The following GYPE variants were observed in gnomAD, a reference collection of about 807,000 sequenced individuals.
GYPE encodes glycophorin-E.
GYPE carries 8 observed loss-of-function variants against 11.6 expected under a neutral mutation model. The observed-to-expected ratio is 0.69, with a 90% confidence interval of 0.41 to 1.25. The LOEUF (loss-of-function observed/expected upper bound fraction) is 1.25, where lower values mean the gene tolerates loss of function less well. Ranked by LOEUF, GYPE falls within the 50% of genes most tolerant of loss-of-function variation. The pLI is 0.01. For missense variants in GYPE, 90 were observed against 92.8 expected (o/e 0.97, Z 0.12); for synonymous variants, 28 against 29.6 (o/e 0.94, Z 0.18).
intron 3 of GYPE, among the ~76,000 whole-genome samples, chr4:143,874,089 T>A (rs139533402): frequency 2.1e-4 from 32 of 152,160 alleles, no homozygotes; most frequent in African/African-American, 7.2e-4. Flanking sequence ...GTCTTGTTGC[T>A]ATATGTATAT....
chr4:143,897,580 T>C lies in GYPE; in HGVS notation c.37+7891A>G, dbSNP rs1361107318. Among the ~76,000 whole-genome samples the C allele has an allele frequency of 7.2e-5, 11 of 152,278 alleles. No homozygotes were observed. The East Asian group carries it at 1.9e-3, about 27-fold the overall frequency. On this transcript the variant is annotated intron_variant, in intron 1 of 3. Transcript: ENST00000358615. ...TATTTCAGACAAGTGTGTGTGTGAGTCTGTGTGCTGTGAGTTGTAGTGCAC... is the reference window on the plus strand; with the variant it reads ...TATTTCAGACAAGTGTGTGTGTGAGCCTGTGTGCTGTGAGTTGTAGTGCAC...
At chr4:143,880,164 C>T (rs554005288) in intron 2 of GYPE, among the ~76,000 whole-genome samples, 141 of 152,302 alleles carry the variant, frequency 9.3e-4, no homozygotes, top group Non-Finnish European at 1.6e-3. Flanking sequence ...TTCATGGTCA[C>T]GTGCATCATT....
At chr4:143,903,995 TAGC>T (rs1277599207) in intron 1 of GYPE, among the ~76,000 whole-genome samples, 1 of 152,144 alleles carries the variant, frequency 6.6e-6, no homozygotes. Context: ...TTCTGTGTAA[TAGC>T]ACTTCAAATA....
intron 1 of GYPE, among the ~76,000 whole-genome samples, chr4:143,902,294 G>A (rs2149917635): frequency 6.8e-6 from 1 of 147,912 alleles, no homozygotes; most frequent in South Asian, 2.2e-4. Flanking sequence ...ACTCTTTCCT[G>A]TGCCAATTAA....
chr4:143,894,529 C>T (rs936679831), intron 1 of GYPE, among the ~76,000 whole-genome samples: 1 of 152,018 alleles, frequency 6.6e-6, no homozygotes. Context: ...CCTTCTAACA[C>T]ATAGGACCCT....
intron 1 of GYPE, among the ~76,000 whole-genome samples, chr4:143,897,949 A>G (rs925053258): frequency 1.3e-5 from 2 of 152,254 alleles, no homozygotes; most frequent in African/African-American, 2.4e-5. Context: ...ATATATCAAA[A>G]GAGCAGAAAC....
chr4:143,889,915 C>A (rs1344372438), intron 1 of GYPE, among the ~76,000 whole-genome samples: 1 of 152,130 alleles, frequency 6.6e-6, no homozygotes, highest in African/African-American at 2.4e-5. Flanking sequence ...AGTGGCAGAG[C>A]TGGATTTTGA....
At chr4:143,892,598 G>C (rs1254987936) in intron 1 of GYPE, among the ~76,000 whole-genome samples, 1 of 151,978 alleles carries the variant, frequency 6.6e-6, no homozygotes, top group South Asian at 2.1e-4. Context: ...AGGTTGTTCA[G>C]TTTCCATGTA....
At chr4:143,878,238 G>A (rs59949115) in intron 2 of GYPE, among the ~76,000 whole-genome samples, 38,434 of 151,936 alleles carry the variant, frequency 0.25, 5,057 homozygotes, top group East Asian at 0.36. Context: ...CAATCGATCC[G>A]ATCCTCCCAC....
At chr4:143,883,131 T>G (rs1744101467) in intron 1 of GYPE, among the ~76,000 whole-genome samples, 2 of 152,204 alleles carry the variant, frequency 1.3e-5, no homozygotes, top group South Asian at 4.1e-4. Flanking sequence ...GTCGTGGACA[T>G]AGTAATTTCT....
chr4:143,877,117 G>A (rs1743846118), intron 2 of GYPE, among the ~76,000 whole-genome samples: 1 of 152,180 alleles, frequency 6.6e-6, no homozygotes, highest in Non-Finnish European at 1.5e-5. Context: ...TGAGGCTTCT[G>A]ATTCCAGACC....
chr4:143,883,886 A>G (rs1744151343), intron 1 of GYPE, among the ~76,000 whole-genome samples: 2 of 152,150 alleles, frequency 1.3e-5, no homozygotes, highest in African/African-American at 4.8e-5. Context: ...AATGCCATCT[A>G]GTAGTTTTGA....
intron 1 of GYPE, among the ~76,000 whole-genome samples, chr4:143,880,726 C>T (rs1187212680): frequency 5.9e-5 from 9 of 152,328 alleles, no homozygotes; most frequent in East Asian, 1.9e-4. Flanking sequence ...TCCAGAATTT[C>T]TGCATGGCAG....
chr4:143,876,927 G>T, intron 2 of GYPE, 72 bp from the exon 3 acceptor site: 2 of 807,844 alleles, frequency 2.5e-6, no homozygotes, highest in Admixed American at 1.9e-5. Context: ...TGAAAAATAA[G>T]ATAACATCAG....
rs1269265873 is a variant in GYPE at position 143,876,843 on chromosome 4, A to T, written c.149T>A (p.Ile50Asn). Residue 50 changes from isoleucine to asparagine, a missense_variant, in exon 3 of 4, where the codon ATT becomes AAT. Ile to Asn is a moderately radical substitution (Grantham distance 149). Transcript: ENST00000358615. The stretch of plus-strand genomic sequence containing the variant: ...AACACGAGCCATCGCCCACCAATTA[A>T]TGAGTGTTATCCCTACAGGAGATAA... ...ISSQTNGITL[I>N]NWWAMARVIF... 1 of 1,602,388 alleles carries T rather than the reference A, an allele frequency of 6.2e-7. No individual in the cohort carries two copies. Among genetic ancestry groups the T allele is most frequent in the Non-Finnish European group, 8.5e-7 (1 of 1,170,104 alleles).
At chr4:143,880,182 T>C (rs1438738971) in intron 2 of GYPE, among the ~76,000 whole-genome samples, 1 of 152,212 alleles carries the variant, frequency 6.6e-6, no homozygotes, top group Non-Finnish European at 1.5e-5. Flanking sequence ...ATTTCTGTGC[T>C]TTGCCACATT....
intron 2 of GYPE, 145 bp from the exon 3 acceptor site, chr4:143,877,000 T>C (rs946365776): frequency 4.6e-6 from 3 of 648,202 alleles, no homozygotes; most frequent in African/African-American, 1.8e-5. Flanking sequence ...GTATTTTGTC[T>C]TTTTTAAAAC....
rs1744929289 is a variant in GYPE at position 143,903,146 on chromosome 4, C to T, written c.37+2325G>A. On this transcript the variant is annotated intron_variant, in intron 1 of 3. Coordinates refer to ENST00000358615, the MANE Select transcript of GYPE (RefSeq NM_198682.3). ...TGCTACCCTTTTCTTAAGCAGTTTT[C>T]GGCATTCATGTTTATCATCTTACCT... Among the ~76,000 whole-genome samples the T allele has an allele frequency of 3.3e-5, 5 of 152,034 alleles. No individual in the cohort carries two copies. The South Asian group carries it at 8.3e-4, about 25-fold the overall frequency.
chr4:143,885,947 T>A (rs1178073403), intron 1 of GYPE, among the ~76,000 whole-genome samples: 1 of 20,406 alleles, frequency 4.9e-5, no homozygotes, highest in African/African-American at 5.3e-5. Flanking sequence ...CTAAAGATAA[T>A]TTGATAAAAA....
Sources: allele counts gnomAD v4.1 joint callset (sites outside exome capture counted in the v4.1 genomes callset), GRCh38; gene constraint gnomAD v4.1.1; transcripts MANE v1.5; gene names NCBI Gene and HGNC (gene_info 2026-07-23, HGNC 2026-07-21).